The following LRRIQ1 variants were observed in gnomAD, a reference collection of about 807,000 sequenced individuals.
The protein encoded by LRRIQ1 is leucine rich repeats and IQ motif containing 1, also known as leucine-rich repeat- and IQ domain-containing protein 1.
Under a neutral mutation model 211.9 loss-of-function variants are expected in LRRIQ1, and 210 were observed. That is an observed-to-expected ratio of 0.99 (90% CI 0.89 to 1.11). LRRIQ1 has a LOEUF of 1.11. LRRIQ1 is among the 50% of genes most tolerant of loss of function. The pLI, the probability that LRRIQ1 is intolerant of heterozygous loss-of-function variation, is 0.00. For missense variants in LRRIQ1, 2,136 were observed against 1,939.5 expected (o/e 1.10, Z -1.90); for synonymous variants, 699 against 650.1 (o/e 1.08, Z -1.14).
At chr12:85,159,895 A>G (rs985302114) in intron 23 of LRRIQ1, among the ~76,000 whole-genome samples, 4 of 152,002 alleles carry the variant, frequency 2.6e-5, no homozygotes, top group Non-Finnish European at 5.9e-5. Context: ...ATATATTAAT[A>G]CTTATGAAAT....
chr12:85,160,583 CT>C (rs1890810735), intron 23 of LRRIQ1, 29 bp from the exon 24 acceptor site: 1 of 1,379,528 alleles, frequency 7.2e-7, no homozygotes, highest in Admixed American at 1.7e-5. Context: ...CAAAGATGAA[CT>C]CTGCTCCTTT....
chr12:85,174,261 G>A (rs1201410239), intron 24 of LRRIQ1, among the ~76,000 whole-genome samples: 2 of 151,852 alleles, frequency 1.3e-5, no homozygotes, highest in Non-Finnish European at 2.9e-5. Context: ...CTCTTTGATA[G>A]CAGAAATAAA....
At chr12:85,260,632 GC>G (rs1896259140) in intron 1 of LRRIQ1, among the ~76,000 whole-genome samples, 4 of 151,998 alleles carry the variant, frequency 2.6e-5, no homozygotes, top group Admixed American at 2.6e-4. Flanking sequence ...TCCACCGGTG[GC>G]CCCAGCATTC....
chr12:85,238,794 G>A (rs1895321068), intron 26 of LRRIQ1, among the ~76,000 whole-genome samples: 1 of 151,906 alleles, frequency 6.6e-6, no homozygotes, highest in African/African-American at 2.4e-5. Context: ...CTAATATCAG[G>A]AACAAGGCAA....
At chr12:85,115,131 A>G (rs1271121777) in intron 15 of LRRIQ1, among the ~76,000 whole-genome samples, 1 of 152,176 alleles carries the variant, frequency 6.6e-6, no homozygotes, top group East Asian at 1.9e-4. Flanking sequence ...TCACCAGGAA[A>G]TTTTCACCAA....
chr12:85,263,226 C>A, exon 2 of LRRIQ1: 1 of 245,212 alleles, frequency 4.1e-6, no homozygotes, highest in Non-Finnish European at 6.5e-6. Context: ...TATTTCTCTT[C>A]TATAAAATGT....
At chr12:85,126,654 C>CT (rs1252648096) in intron 17 of LRRIQ1, among the ~76,000 whole-genome samples, 2 of 152,084 alleles carry the variant, frequency 1.3e-5, no homozygotes, top group East Asian at 3.8e-4. Context: ...ATATTTTAGC[C>CT]TTTAACTTCA....
intron 17 of LRRIQ1, among the ~76,000 whole-genome samples, chr12:85,126,304 A>G (rs1565852817): frequency 6.6e-6 from 1 of 152,168 alleles, no homozygotes; most frequent in Non-Finnish European, 1.5e-5. Context: ...TCACAGTTAC[A>G]GTTCGTGAAA....
chr12:85,268,903 T>C (rs541736745), downstream of LRRIQ1, among the ~76,000 whole-genome samples: 4 of 152,012 alleles, frequency 2.6e-5, no homozygotes, highest in African/African-American at 9.7e-5. Flanking sequence ...AAGGAACTTA[T>C]AGTTTAGTAT....
At chr12:85,203,653 T>A (rs1893403733) in intron 24 of LRRIQ1, among the ~76,000 whole-genome samples, 3 of 152,132 alleles carry the variant, frequency 2.0e-5, no homozygotes, top group African/African-American at 7.2e-5. Flanking sequence ...GCAAAGAGAC[T>A]GGTGGCATTG....
chr12:85,061,138 A>C (rs1451628314), intron 8 of LRRIQ1, among the ~76,000 whole-genome samples: 4 of 151,766 alleles, frequency 2.6e-5, no homozygotes, highest in African/African-American at 9.7e-5. Flanking sequence ...AAGTTCATTC[A>C]TTTATTTATT....
At chr12:85,268,878 A>C (rs1431825542), downstream of LRRIQ1, among the ~76,000 whole-genome samples, 1 of 151,984 alleles carries the variant, frequency 6.6e-6, no homozygotes, top group Non-Finnish European at 1.5e-5. Flanking sequence ...ACCTAGATCC[A>C]ATAAACAACG....
intron 11 of LRRIQ1, chr12:85,076,521 GA>G: frequency 5.1e-6 from 2 of 395,972 alleles, no homozygotes; most frequent in Non-Finnish European, 6.9e-6. Context: ...GTAAATAGTA[GA>G]GATACTAAGA....
chr12:85,178,319 T>C (rs780870294), intron 24 of LRRIQ1, among the ~76,000 whole-genome samples: 160 of 152,068 alleles, frequency 1.1e-3, no homozygotes, highest in Non-Finnish European at 1.3e-3. Flanking sequence ...AATACTGCCA[T>C]TGAAAATATT....
downstream of LRRIQ1, among the ~76,000 whole-genome samples, chr12:85,249,955 C>T (rs982481455): frequency 3.3e-5 from 5 of 151,766 alleles, no homozygotes; most frequent in Non-Finnish European, 5.9e-5. Context: ...CTTTTAAATT[C>T]CATTGTCAAC....
At position 85,073,067 on chromosome 12, in the gene LRRIQ1, TA is replaced by T; in HGVS notation, c.2858del (p.Asn953IlefsTer13). ...ITSLTKNSDC[N>X]FLISHLYWNC... Reference sequence around the variant, plus strand: ...CCTCACTTACAAAAAATTCAGATTGTAATTTCCTTATCTCCCACTTATACTG... The same window carrying T: ...CCTCACTTACAAAAAATTCAGATTGTATTTCCTTATCTCCCACTTATACTG... On this transcript the variant is annotated frameshift_variant, in exon 11 of 27. Transcript: ENST00000393217. LOFTEE classifies it high-confidence loss of function. 3.7e-6 allele frequency: 6 copies of T among 1,608,010 alleles called. No homozygotes were observed. The highest frequency in any genetic ancestry group is 5.1e-6 in the Non-Finnish European group (6 of 1,176,372).
downstream of LRRIQ1, among the ~76,000 whole-genome samples, chr12:85,249,941 C>A (rs1895854676): frequency 6.6e-6 from 1 of 151,782 alleles, no homozygotes; most frequent in South Asian, 2.1e-4. Flanking sequence ...CCTAAACATA[C>A]TTTCTTTTAA....
chr12:85,270,452 A>G, the LRRIQ1 span, among the ~76,000 whole-genome samples: 2 of 151,996 alleles, frequency 1.3e-5, no homozygotes, highest in East Asian at 3.9e-4. Context: ...CAGTACACAC[A>G]CCCCAGGACC....
chr12:85,114,520 T>G (rs1887430644), intron 15 of LRRIQ1, among the ~76,000 whole-genome samples: 1 of 151,322 alleles, frequency 6.6e-6, no homozygotes, highest in African/African-American at 2.5e-5. Context: ...TGAACACTTA[T>G]TTTATTGACT....
Sources: allele counts gnomAD v4.1 joint callset (sites outside exome capture counted in the v4.1 genomes callset), GRCh38; gene constraint gnomAD v4.1.1; transcripts MANE v1.5; gene names NCBI Gene and HGNC (gene_info 2026-07-23, HGNC 2026-07-21).